A2M: variants seen among roughly 807,000 people sequenced by gnomAD.
A2M encodes the protein C3 and PZP-like alpha-2-macroglobulin domain-containing protein 5.
In A2M, 128 loss-of-function variants were observed where a neutral mutation model predicts 183.9. The ratio of observed to expected loss-of-function variants is 0.70; its 90% CI spans 0.60 to 0.81. The LOEUF (loss-of-function observed/expected upper bound fraction) is 0.81. Among genes scored for constraint, A2M ranks in the 30% least tolerant of loss-of-function variants. A2M has a pLI of 0.00. For missense variants in A2M, 1,495 were observed against 1,787.6 expected (o/e 0.84, Z 2.95); for synonymous variants, 592 against 670.8 (o/e 0.88, Z 1.81).
rs754421122 is a variant in A2M at position 9,106,403 on chromosome 12, A to G, written c.995-58T>C. Reference sequence around the variant, plus strand: ...GGAAGAATGATGTCTCTAAAATTCTATCACCTCCCCCCAACTTACAATTCA... The same window carrying G: ...GGAAGAATGATGTCTCTAAAATTCTGTCACCTCCCCCCAACTTACAATTCA... On this transcript the variant is annotated intron_variant, in intron 9 of 35. Transcript: ENST00000318602. The G allele has an allele frequency of 1.1e-4, 166 of 1,455,380 alleles. 1 individual carries two copies. The highest frequency in any genetic ancestry group is 4.6e-4 in the Admixed American group (26 of 56,242). The allele number at this position is 1,455,380 out of a possible 1,614,324, so 90.2% of individuals were successfully genotyped here. A position where few individuals can be genotyped will look rare whatever the true frequency, so the allele number is the denominator to read the frequency against.
intron 10 of A2M, among the ~76,000 whole-genome samples, chr12:9,105,334 A>G (rs1938201093): frequency 6.6e-6 from 1 of 152,258 alleles, no homozygotes; most frequent in Admixed American, 6.5e-5. Flanking sequence ...TTTAACAGCA[A>G]TAAAATGTAC....
intron 22 of A2M, among the ~76,000 whole-genome samples, chr12:9,088,734 A>G (rs1276347161): frequency 1.3e-5 from 2 of 152,202 alleles, no homozygotes; most frequent in Non-Finnish European, 2.9e-5. Flanking sequence ...GATAGGCATC[A>G]AACAGATATT....
At chr12:9,109,188 CA>C in intron 7 of A2M, 132 bp downstream of exon 7, 1 of 633,978 alleles carries the variant, frequency 1.6e-6, no homozygotes, top group East Asian at 2.7e-5. Flanking sequence ...TAACATTCTA[CA>C]GATGAGGATG....
intron 19 of A2M, among the ~76,000 whole-genome samples, chr12:9,090,936 C>G (rs1284223031): frequency 1.3e-5 from 2 of 152,160 alleles, no homozygotes; most frequent in African/African-American, 4.8e-5. Context: ...CTTGTAGAAT[C>G]TGTCATGAGA....
intron 10 of A2M, among the ~76,000 whole-genome samples, chr12:9,104,705 TGTC>T (rs1264966478): frequency 6.6e-6 from 1 of 152,108 alleles, no homozygotes; most frequent in Non-Finnish European, 1.5e-5. Context: ...ACCTGAAAAA[TGTC>T]TTCTAGATAT....
intron 22 of A2M, among the ~76,000 whole-genome samples, chr12:9,083,178 G>A (rs1948956606): frequency 1.3e-5 from 2 of 152,218 alleles, no homozygotes; most frequent in East Asian, 1.9e-4. Context: ...CTCATAGGTG[G>A]GAATTGAACA....
Position 9,115,910 on chromosome 12 carries a change from A to C in A2M, c.-61T>G. The C allele has an allele frequency of 7.1e-7, 1 of 1,415,324 alleles. No homozygotes were observed. Among genetic ancestry groups the C allele is most frequent in the Non-Finnish European group, 1.0e-6 (1 of 1,000,690 alleles). 87.7% of individuals were successfully genotyped at this position (1,415,324 alleles called of 1,614,324 possible). A position where few individuals can be genotyped will look rare whatever the true frequency, so the allele number is the denominator to read the frequency against. ...TATTGTACCCTACTCCCTACAATCCATCTGGTCCCAAACACTTCCCAAAGC... is the reference window on the plus strand; with the variant it reads ...TATTGTACCCTACTCCCTACAATCCCTCTGGTCCCAAACACTTCCCAAAGC... On this transcript the variant is annotated 5_prime_UTR_variant, in exon 1 of 36. An upstream start codon of the reference 5' UTR is lost. Coordinates refer to ENST00000318602, the MANE Select transcript of A2M (RefSeq NM_000014.6).
chr12:9,076,605 T>G, intron 28 of A2M, 151 bp downstream of exon 28: 1 of 652,718 alleles, frequency 1.5e-6, no homozygotes, highest in South Asian at 3.1e-5. Flanking sequence ...AAATCCTAGA[T>G]TTTATAAGAT....
chr12:9,096,358 C>T (rs73244223), intron 15 of A2M, among the ~76,000 whole-genome samples: 2,433 of 152,248 alleles, frequency 0.016, 68 homozygotes, highest in African/African-American at 0.056. Flanking sequence ...TGTGACATTG[C>T]ACAAAGCTTT....
chr12:9,101,492 A>C lies in A2M; in HGVS notation c.1449T>G (p.Asn483Lys). 1 of 1,613,936 alleles carries C rather than the reference A, an allele frequency of 6.2e-7. No homozygotes were observed. Among genetic ancestry groups the C allele is most frequent in the East Asian group, 2.2e-5 (1 of 44,874 alleles). The part of the protein sequence containing the change: ...TQTVQAHYIL[N>K]GGTLLGLKKL... ...TCTTCAGCCCCAGCAGGGTGCCTCCATTCAGAATATAATGTGCCTGGACTG... is the reference window on the plus strand; with the variant it reads ...TCTTCAGCCCCAGCAGGGTGCCTCCCTTCAGAATATAATGTGCCTGGACTG... The change falls in exon 12 of 36, where the codon AAT (asparagine) becomes AAG (lysine). Residue 483 changes from asparagine to lysine, a missense_variant. Transcript: ENST00000318602.
rs772453661 is a variant in A2M, at chr12:9,100,659, C to A, written c.1558+485G>T. ...TATTTGATAAAGGGTGAGAAAAAAA[C>A]CATTATTGTTTTCCCTCCCTCAACT... On this transcript the variant is annotated intron_variant, in intron 13 of 35. Transcript: ENST00000318602. Among the ~76,000 whole-genome samples, 123 of 152,162 alleles carry A rather than the reference C, an allele frequency of 8.1e-4. 1 individual carries two copies. Among genetic ancestry groups the A allele is most frequent in the African/African-American group, 2.7e-3 (114 of 41,508 alleles).
At chr12:9,081,686 TC>T (rs1269711116) in intron 22 of A2M, among the ~76,000 whole-genome samples, 1 of 152,146 alleles carries the variant, frequency 6.6e-6, no homozygotes, top group Admixed American at 6.5e-5. Context: ...AGAGAGGAGT[TC>T]CCTGGGGTCA....
chr12:9,090,663 G>GT, intron 19 of A2M, 181 bp from the exon 20 acceptor site: 8 of 610,914 alleles, frequency 1.3e-5, no homozygotes, highest in Non-Finnish European at 2.2e-5. Context: ...GATTTACACA[G>GT]GTAAATCTGA....
rs148909450 is a variant in A2M at position 9,073,477 on chromosome 12, C to T, written c.3757-606G>A. On this transcript the variant is annotated intron_variant, in intron 29 of 35. Transcript: ENST00000318602. ...AATGTCTGCTGGTATGTATCCTCAA[C>T]AACATTAAACCTGCTTGGCCTCCTT... Among the ~76,000 whole-genome samples the T allele has an allele frequency of 8.2e-4, 125 of 152,274 alleles. 1 individual carries two copies. Among genetic ancestry groups the T allele is most frequent in the Non-Finnish European group, 1.5e-3 (103 of 68,030 alleles).
At chr12:9,106,713 A>G in intron 8 of A2M, 108 bp from the exon 9 acceptor site, 1 of 529,320 alleles carries the variant, frequency 1.9e-6, no homozygotes, top group Admixed American at 3.2e-5. Context: ...TCATGTAGGC[A>G]TTTTCTATGA....
chr12:9,106,828 A>G (rs112566168), intron 8 of A2M, among the ~76,000 whole-genome samples: 4 of 152,190 alleles, frequency 2.6e-5, no homozygotes. Flanking sequence ...TTCCCTAGAT[A>G]TATTGCGATA....
At chr12:9,070,413 A>G (rs1360515183) in intron 32 of A2M, 75 bp downstream of exon 32, 7 of 950,154 alleles carry the variant, frequency 7.4e-6, no homozygotes, top group Non-Finnish European at 1.2e-5. Context: ...GTATTTTGAT[A>G]TTAGTATTGT....
At chr12:9,069,249 A>T (rs1948490779) in intron 33 of A2M, among the ~76,000 whole-genome samples, 1 of 152,184 alleles carries the variant, frequency 6.6e-6, no homozygotes, top group South Asian at 2.1e-4. Context: ...AAATTTGTAA[A>T]CTATAATTCC....
At chr12:9,109,070 GAATC>G (rs1938527128) in intron 7 of A2M, among the ~76,000 whole-genome samples, 2 of 151,954 alleles carry the variant, frequency 1.3e-5, no homozygotes, top group African/African-American at 4.8e-5. Context: ...GTCACTTTCA[GAATC>G]AATCCTATTA....
Sources: allele counts gnomAD v4.1 joint callset (sites outside exome capture counted in the v4.1 genomes callset), GRCh38; gene constraint gnomAD v4.1.1; transcripts MANE v1.5; gene names NCBI Gene and HGNC (gene_info 2026-07-23, HGNC 2026-07-21).